Variants in HSPA4 observed in about 807,000 individuals in gnomAD.
HSPA4 encodes the protein heat shock 70 kDa protein 4.
A neutral mutation model predicts 106.2 loss-of-function variants in HSPA4; 25 were observed. That is an observed-to-expected ratio of 0.24 (90% CI 0.17 to 0.33). The LOEUF is 0.33. Ranked by LOEUF, HSPA4 falls within the 10% of genes least tolerant of loss-of-function variation. The pLI is 1.00. For missense variants in HSPA4, 841 were observed against 996.0 expected (o/e 0.84, Z 2.10); for synonymous variants, 332 against 333.6 (o/e 1.00, Z 0.05).
At chr5:133,074,213 TATGGGAGA>T (rs1428511193) in intron 6 of HSPA4, 87 bp downstream of exon 6, 1 of 841,228 alleles carries the variant, frequency 1.2e-6, no homozygotes, top group East Asian at 2.6e-5. Flanking sequence ...TCATCTACAA[TATGGGAGA>T]AACAATGCAT....
chr5:133,101,897 C>T lies in HSPA4; in HGVS notation c.2157+19C>T. 2.8e-6 allele frequency: 4 copies of T among 1,441,252 alleles called. No individual in the cohort carries two copies. Among genetic ancestry groups the T allele is most frequent in the Admixed American group, 2.3e-5 (1 of 44,098 alleles). 89.3% of individuals were successfully genotyped at this position (1,441,252 alleles called of 1,614,324 possible). The stretch of plus-strand genomic sequence containing the variant: ...AAACAAGGTAACTTTTTTCTTTGTC[C>T]TACTCTTATTTTAGTAAAGTTAACT... On this transcript the variant is annotated intron_variant, in intron 17 of 18. Transcript: ENST00000304858.
chr5:133,076,066 G>A (rs999067148), intron 6 of HSPA4: 1 of 152,232 alleles, frequency 6.6e-6, no homozygotes, highest in Admixed American at 6.5e-5. Flanking sequence ...CACTTATTTA[G>A]CCTAACTTCT....
In HSPA4 at chr5:133,080,359, G is replaced by A. The variant is rs938235223; in HGVS notation, c.908+3461G>A. On this transcript the variant is annotated intron_variant, in intron 7 of 18. Coordinates refer to ENST00000304858, the MANE Select transcript of HSPA4 (RefSeq NM_002154.4). ...GAGCTTAGTAAGTCGAGGCTGCAGC[G>A]AACCATGATCACACCACATTGCACT... is the stretch of plus-strand genomic sequence containing the variant. Among the ~76,000 whole-genome samples, 8 of 132,302 alleles carry A rather than the reference G, an allele frequency of 6.0e-5. No homozygotes were observed. The East Asian group carries it at 1.2e-3, about 20-fold the overall frequency. The allele number at this position is 132,302 out of a possible 152,430, so 86.8% of individuals were successfully genotyped here.
At position 133,089,723 on chromosome 5, in the gene HSPA4, G is replaced by GAA. The variant is rs61130801; in HGVS notation, c.1378+41_1378+42dup. ...AAGTAAAGAGTTGGAAATTAAAAAA[G>GAA]AAAAAAAAAAAAAAGCACAGTGGCT... On this transcript the variant is annotated intron_variant, in intron 11 of 18. Coordinates refer to ENST00000304858, the MANE Select transcript of HSPA4 (RefSeq NM_002154.4). 3,373 of 1,022,922 alleles carry GAA rather than the reference G, an allele frequency of 3.3e-3. 4 individuals are homozygous for GAA. Among genetic ancestry groups the GAA allele is most frequent in the African/African-American group, 0.017 (918 of 55,238 alleles). The allele number at this position is 1,022,922 out of a possible 1,614,324, so 63.4% of individuals were successfully genotyped here.
At chr5:133,084,227 C>G (rs1282352596) in intron 7 of HSPA4, among the ~76,000 whole-genome samples, 3 of 152,162 alleles carry the variant, frequency 2.0e-5, no homozygotes, top group Admixed American at 2.0e-4. Context: ...ATTTTTTAGT[C>G]AGCATAAAAT....
At chr5:133,073,394 C>G in intron 5 of HSPA4, 65 bp downstream of exon 5, 2 of 1,104,834 alleles carry the variant, frequency 1.8e-6, no homozygotes, top group South Asian at 1.3e-5. Flanking sequence ...ATTTTAAAAC[C>G]CTGGGGTTTC....
In HSPA4 at chr5:133,072,566, T is replaced by TA. The variant is rs1053166120; in HGVS notation, c.430-664_430-663insA. Among the ~76,000 whole-genome samples, 8 of 147,560 alleles carry TA rather than the reference T, an allele frequency of 5.4e-5. 1 individual carries two copies. Among genetic ancestry groups the TA allele is most frequent in the Admixed American group, 1.3e-4 (2 of 15,074 alleles). On this transcript the variant is annotated intron_variant, in intron 4 of 18. Transcript: ENST00000304858. ...ACCACACCCAGCTAGTGGTTTATTT[T>TA]TTTTTTTTTTTTGTATTTTTTGTAG...
Position 133,085,515 on chromosome 5 carries a change from C to T in HSPA4, c.909-1267C>T, listed in dbSNP as rs191588068. Among the ~76,000 whole-genome samples the T allele has an allele frequency of 3.0e-4, 30 of 99,814 alleles. No homozygotes were observed. The East Asian group carries it at 7.8e-3, about 26-fold the overall frequency. 65.5% of individuals were successfully genotyped at this position (99,814 alleles called of 152,430 possible). ...AAAAAAAAAAAAATACAAAATTAGC[C>T]GGGCGTAGGTGGTGCATGCCTGTAA... On this transcript the variant is annotated intron_variant, in intron 7 of 18. Coordinates refer to ENST00000304858, the MANE Select transcript of HSPA4 (RefSeq NM_002154.4).
chr5:133,074,215 T>A (rs913571335), intron 6 of HSPA4, 89 bp downstream of exon 6: 24 of 821,134 alleles, frequency 2.9e-5, no homozygotes, highest in Middle Eastern at 7.1e-4. Flanking sequence ...ATCTACAATA[T>A]GGGAGAAACA....
chr5:133,076,626 T>C (rs1765449193), intron 6 of HSPA4, 28 bp from the exon 7 acceptor site: 1 of 1,597,208 alleles, frequency 6.3e-7, no homozygotes. Flanking sequence ...TGGTTAATTG[T>C]TAGATTAATT....
chr5:133,064,818 A>G (rs998340591), intron 1 of HSPA4, among the ~76,000 whole-genome samples, 162 bp from the exon 2 acceptor site: 2 of 152,162 alleles, frequency 1.3e-5, no homozygotes, highest in African/African-American at 4.8e-5. Context: ...GTAAGAGGCA[A>G]CCTGTTCCAT....
At chr5:133,072,289 A>G (rs1439112632) in intron 4 of HSPA4, among the ~76,000 whole-genome samples, 1 of 152,074 alleles carries the variant, frequency 6.6e-6, no homozygotes, top group Non-Finnish European at 1.5e-5. Context: ...AACCAGGCAC[A>G]AGCTTCCCAG....
At chr5:133,083,094 C>T (rs1765534251) in intron 7 of HSPA4, among the ~76,000 whole-genome samples, 1 of 149,466 alleles carries the variant, frequency 6.7e-6, no homozygotes, top group African/African-American at 2.5e-5. Context: ...GAGATACTGC[C>T]ACTGCACTCC....
At chr5:133,089,316 T>G (rs1346585044) in intron 10 of HSPA4, among the ~76,000 whole-genome samples, 155 bp downstream of exon 10, 1 of 152,234 alleles carries the variant, frequency 6.6e-6, no homozygotes, top group Non-Finnish European at 1.5e-5. Flanking sequence ...TAAATTTGTG[T>G]CCTTAATTAG....
chr5:133,100,089 AG>A (rs1315553099), intron 16 of HSPA4, among the ~76,000 whole-genome samples: 2 of 151,896 alleles, frequency 1.3e-5, no homozygotes, highest in African/African-American at 4.8e-5. Flanking sequence ...TTAAATACAC[AG>A]TCTTGCTCTG....
intron 4 of HSPA4, among the ~76,000 whole-genome samples, chr5:133,072,977 C>G (rs1019510053): frequency 6.6e-6 from 1 of 152,156 alleles, no homozygotes; most frequent in South Asian, 2.1e-4. Context: ...TTTATATTAA[C>G]TCTTCTCTGC....
intron 7 of HSPA4, among the ~76,000 whole-genome samples, chr5:133,079,785 G>A (rs1765491354): frequency 6.6e-6 from 1 of 152,094 alleles, no homozygotes; most frequent in South Asian, 2.1e-4. Flanking sequence ...CAATTATTTG[G>A]ATTATTTTGG....
At chr5:133,065,386 A>T (rs1239189873) in intron 2 of HSPA4, among the ~76,000 whole-genome samples, 2 of 152,210 alleles carry the variant, frequency 1.3e-5, no homozygotes, top group African/African-American at 4.8e-5. Context: ...ATACAGGAGG[A>T]TGTGCATAGG....
At chr5:133,066,729 CT>C (rs1561577482) in intron 2 of HSPA4, among the ~76,000 whole-genome samples, 3 of 132,122 alleles carry the variant, frequency 2.3e-5, no homozygotes, top group African/African-American at 5.7e-5. Context: ...TTTTTCTTTT[CT>C]TTTTTCTTTT....
Sources: gnomAD v4.1 joint callset for allele counts (sites outside exome capture counted in the v4.1 genomes callset) on GRCh38, gnomAD v4.1.1 for gene constraint, MANE v1.5 for transcripts, NCBI Gene and HGNC (gene_info 2026-07-23, HGNC 2026-07-21) for gene names.